ZW10: variants seen among roughly 807,000 people sequenced by gnomAD.
The protein encoded by ZW10 is centromere/kinetochore protein zw10 homolog.
Under a neutral mutation model 87.8 loss-of-function variants are expected in ZW10, and 53 were observed. The observed-to-expected ratio is 0.60, with a 90% CI of 0.48 to 0.76. The LOEUF (loss-of-function observed/expected upper bound fraction) is 0.76, where lower values mean the gene tolerates loss of function less well. Ranked by LOEUF, ZW10 falls within the 30% of genes least tolerant of loss-of-function variation. ZW10 has a pLI of 0.00. For synonymous variants in ZW10, 312 were observed against 329.2 expected, an observed-to-expected ratio of 0.95 and a Z score of 0.57; for missense variants, 837 against 923.0, an observed-to-expected ratio of 0.91 and a Z score of 1.21.
chr11:113,751,603 C>T (rs1418003856), intron 7 of ZW10, among the ~76,000 whole-genome samples: 1 of 152,200 alleles, frequency 6.6e-6, no homozygotes, highest in East Asian at 1.9e-4. Context: ...TGGCTGGGCG[C>T]AGTGGCTCAC....
intron 7 of ZW10, among the ~76,000 whole-genome samples, chr11:113,752,834 G>C (rs1953747982): frequency 6.6e-6 from 1 of 152,158 alleles, no homozygotes; most frequent in African/African-American, 2.4e-5. Context: ...AAGTGAAAGA[G>C]TCACACATCT....
At chr11:113,764,207 T>C (rs968846799) in intron 2 of ZW10, among the ~76,000 whole-genome samples, 10 of 152,318 alleles carry the variant, frequency 6.6e-5, no homozygotes, top group African/African-American at 2.2e-4. Context: ...TCTGTTCTGC[T>C]CCATTGGTCT....
In ZW10 at chr11:113,760,891, C is replaced by T. The variant is rs200704105; in HGVS notation, c.268G>A (p.Gly90Ser). Reference sequence around the variant, plus strand: ...TGCTGCTTTAAGTCTGTAAATTCACCGGTTGATACGTGAAGATCCCGGCGG... The same window carrying T: ...TGCTGCTTTAAGTCTGTAAATTCACTGGTTGATACGTGAAGATCCCGGCGG... ...EVRRDLHVST[G>S]EFTDLKQQLE... The change falls in exon 3 of 16, where the codon GGT (glycine) becomes AGT (serine). Residue 90 changes from glycine to serine, a missense_variant. Coordinates refer to ENST00000200135, the MANE Select transcript of ZW10 (RefSeq NM_004724.4). 278 of 1,613,784 alleles carry T rather than the reference C, an allele frequency of 1.7e-4. No individual in the cohort carries two copies. Among genetic ancestry groups the T allele is most frequent in the South Asian group, 4.7e-4 (43 of 91,074 alleles).
chr11:113,758,029 G>A (rs757364263), intron 6 of ZW10, among the ~76,000 whole-genome samples, 176 bp from the exon 7 acceptor site: 1 of 152,040 alleles, frequency 6.6e-6, no homozygotes, highest in Non-Finnish European at 1.5e-5. Context: ...AAAATTAGCT[G>A]GGCATGGTGG....
chr11:113,754,848 C>T (rs978281687), intron 7 of ZW10, among the ~76,000 whole-genome samples: 1 of 152,088 alleles, frequency 6.6e-6, no homozygotes, highest in Non-Finnish European at 1.5e-5. Flanking sequence ...AGGCAGGTAT[C>T]GCTATGTTAC....
intron 7 of ZW10, among the ~76,000 whole-genome samples, chr11:113,754,823 C>G (rs76605443): frequency 0.085 from 12,925 of 151,928 alleles, 592 homozygotes; most frequent in Middle Eastern, 0.17. Context: ...CACTATGTTA[C>G]CCATAGCAAT....
chr11:113,760,691 T>TA (rs56870346), intron 3 of ZW10, 101 bp from the exon 4 acceptor site: 95,730 of 726,920 alleles, frequency 0.13, 702 homozygotes, highest in Non-Finnish European at 0.15. Context: ...CTCCCCCCTC[T>TA]AAAAAAAAAA....
At chr11:113,744,203 C>T (rs1953656291) in intron 9 of ZW10, among the ~76,000 whole-genome samples, 163 bp from the exon 10 acceptor site, 1 of 152,120 alleles carries the variant, frequency 6.6e-6, no homozygotes, top group South Asian at 2.1e-4. Flanking sequence ...CTGGCTAACA[C>T]GGTGAAACCC....
At position 113,737,619 on chromosome 11, in the gene ZW10, G is replaced by C; in HGVS notation, c.1969C>G (p.Leu657Val). 6 of 1,613,420 alleles carry C rather than the reference G, an allele frequency of 3.7e-6. No individual in the cohort carries two copies. Among genetic ancestry groups the C allele is most frequent in the Non-Finnish European group, 5.1e-6 (6 of 1,179,512 alleles). ...NIYCKAMGTL[L>V]NTAISEVIGK... is the part of the protein sequence containing the mutation. ...ATGACCTCAGAAATTGCTGTATTGAGTAAAGTCCCCATAGCCTTGCAATAT... is the reference window on the plus strand; with the variant it reads ...ATGACCTCAGAAATTGCTGTATTGACTAAAGTCCCCATAGCCTTGCAATAT... Residue 657 changes from leucine (L) to valine (V), a missense_variant, in exon 14 of 16, where the codon CTC becomes GTC. Transcript: ENST00000200135.
chr11:113,767,670 T>C (rs1953923004), intron 2 of ZW10, among the ~76,000 whole-genome samples: 3 of 152,144 alleles, frequency 2.0e-5, no homozygotes, highest in African/African-American at 7.2e-5. Context: ...AAATCTGATG[T>C]CACTCTCTTG....
At chr11:113,768,991 T>A (rs1409929249) in intron 1 of ZW10, 24 bp from the exon 2 acceptor site, 8 of 1,608,894 alleles carry the variant, frequency 5.0e-6, no homozygotes. Context: ...CAGAATTATA[T>A]TAAAAGACAG....
chr11:113,760,201 A>T lies in ZW10; in HGVS notation c.580+8T>A, dbSNP rs1953841978. Reference sequence around the variant, plus strand: ...GAAGCAAAGCAGTCCACCTGAGGTCAGCAGCACCTTTTGATGGTGGGAACT... The same window carrying T: ...GAAGCAAAGCAGTCCACCTGAGGTCTGCAGCACCTTTTGATGGTGGGAACT... On this transcript the variant is annotated splice_region_variant and intron_variant, in intron 5 of 15. Coordinates refer to ENST00000200135, the MANE Select transcript of ZW10 (RefSeq NM_004724.4). 1.1e-5 allele frequency: 18 copies of T among 1,613,384 alleles called. No homozygotes were observed. In the East Asian group the frequency reaches 4.0e-4, roughly 36 times the overall value.
At chr11:113,771,148 G>C (rs1009667079) in intron 1 of ZW10, 4 of 151,656 alleles carry the variant, frequency 2.6e-5, no homozygotes, top group Non-Finnish European at 5.9e-5. Flanking sequence ...GCTAATTTGT[G>C]TATTTTTAGT....
rs200622589 is a variant in ZW10 at position 113,760,523 on chromosome 11, C to G, written c.410G>C (p.Arg137Pro). The change falls in exon 4 of 16, where the codon CGT becomes CCT. Residue 137 changes from arginine (R) to proline (P), a missense_variant. By Grantham distance (103) the Arg-to-Pro change is moderately radical (BLOSUM62 -2). Coordinates refer to ENST00000200135, the MANE Select transcript of ZW10 (RefSeq NM_004724.4). ...GAGAGCATTTAGTACCTCTTCCAGA[C>G]GCTGAGCACCAGTGACATACTTCTT... ...TEKKYVTGAQ[R>P]LEEAQKCLKL... is the part of the protein sequence containing the mutation. The G allele has an allele frequency of 1.2e-6, 2 of 1,613,520 alleles. No individual in the cohort carries two copies. Among genetic ancestry groups the G allele is most frequent in the Non-Finnish European group, 1.7e-6 (2 of 1,179,814 alleles).
Position 113,737,621 on chromosome 11 carries a change from A to G in ZW10, c.1967T>C (p.Leu656Ser). ...GACCTCAGAAATTGCTGTATTGAGT[A>G]AAGTCCCCATAGCCTTGCAATATAT... ...VNIYCKAMGTLLNTAISEVIG... is the reference protein window; with the variant it reads ...VNIYCKAMGTSLNTAISEVIG... The change falls in exon 14 of 16, where the codon TTA becomes TCA. Residue 656 changes from leucine to serine, a missense_variant. Coordinates refer to ENST00000200135, the MANE Select transcript of ZW10 (RefSeq NM_004724.4). 2 of 1,613,434 alleles carry G rather than the reference A, an allele frequency of 1.2e-6. No homozygotes were observed. The highest frequency in any genetic ancestry group is 1.7e-6 in the Non-Finnish European group (2 of 1,179,516).
At chr11:113,738,423 T>G (rs1183547108) in intron 12 of ZW10, 29 bp from the exon 13 acceptor site, 1 of 1,604,728 alleles carries the variant, frequency 6.2e-7, no homozygotes, top group Non-Finnish European at 8.5e-7. Context: ...ATAAAAAATT[T>G]TAAAAGCTGC....
intron 12 of ZW10, among the ~76,000 whole-genome samples, chr11:113,738,753 A>C (rs1226080924): frequency 1.3e-5 from 2 of 152,234 alleles, no homozygotes; most frequent in Admixed American, 1.3e-4. Flanking sequence ...TGCTATGATC[A>C]ACATATTGAT....
intron 15 of ZW10, among the ~76,000 whole-genome samples, chr11:113,736,329 T>A (rs1458412871): frequency 6.6e-6 from 1 of 151,264 alleles, no homozygotes; most frequent in Non-Finnish European, 1.5e-5. Context: ...TCCATCCAGA[T>A]GTCAGAAGGC....
intron 15 of ZW10, among the ~76,000 whole-genome samples, chr11:113,734,844 T>C (rs1039416064): frequency 1.3e-5 from 2 of 151,332 alleles, no homozygotes; most frequent in African/African-American, 2.4e-5. Flanking sequence ...ATAATAATAA[T>C]ATTGAACAAA....
Sources: gnomAD v4.1 joint callset for allele counts (sites outside exome capture counted in the v4.1 genomes callset) on GRCh38, gnomAD v4.1.1 for gene constraint, MANE v1.5 for transcripts, NCBI Gene and HGNC (gene_info 2026-07-23, HGNC 2026-07-21) for gene names.